TG: variants seen among roughly 807,000 people sequenced by gnomAD.
The protein encoded by TG is thyroglobulin.
TG carries 270 observed loss-of-function variants against 324.7 expected under a neutral mutation model. That is an observed-to-expected ratio of 0.83 (90% CI 0.75 to 0.92). TG has a LOEUF of 0.92. TG is among the 40% of genes least tolerant of loss of function. TG has a pLI of 0.00. For missense variants in TG, 3,591 were observed against 3,456.4 expected (o/e 1.04, Z -0.98); for synonymous variants, 1,401 against 1,327.0 (o/e 1.06, Z -1.21).
intron 45 of TG, among the ~76,000 whole-genome samples, chr8:133,121,257 G>A (rs1851119471): frequency 6.6e-6 from 1 of 152,180 alleles, no homozygotes; most frequent in South Asian, 2.1e-4. Context: ...TGAAGTGGGA[G>A]TAGGGAGGCC....
intron 24 of TG, 69 bp downstream of exon 24, chr8:132,933,745 G>T: frequency 7.0e-6 from 10 of 1,435,166 alleles, no homozygotes; most frequent in Non-Finnish European, 9.8e-6. Flanking sequence ...CTGAGGAGCG[G>T]GCAGCAGGCT....
rs1437649976 is a variant in TG, at chr8:132,900,274, G to A, written c.3368G>A (p.Gly1123Asp). The change falls in exon 15 of 48, where the codon GGC becomes GAC. Residue 1123 changes from glycine to aspartate, a missense_variant. Physicochemically the swap from Gly to Asp is moderately conservative, Grantham distance 94 (BLOSUM62 -1). Coordinates refer to ENST00000220616, the MANE Select transcript of TG (RefSeq NM_003235.5). ...GCCAGGCTGCAGGCATCGGGGGCTG[G>A]CACCTGGTGTGTGGACCCTGCATCA... is the stretch of plus-strand genomic sequence containing the variant. ...EYARLQASGA[G>D]TWCVDPASGE... The A allele has an allele frequency of 2.5e-6, 4 of 1,613,946 alleles. No homozygotes were observed.
intron 43 of TG, among the ~76,000 whole-genome samples, chr8:133,110,512 AC>A (rs1420758876): frequency 6.6e-6 from 1 of 152,238 alleles, no homozygotes; most frequent in Admixed American, 6.5e-5. Context: ...AGATAGATAC[AC>A]ATAGCATTTT....
At chr8:132,883,029 G>A (rs749307754) in intron 8 of TG, 30 bp downstream of exon 8, 22 of 1,607,756 alleles carry the variant, frequency 1.4e-5, no homozygotes, top group African/African-American at 8.0e-5. Context: ...TTCCTCTTTC[G>A]GCCTCGGATC....
At chr8:132,903,443 A>T (rs1295635886) in intron 16 of TG, among the ~76,000 whole-genome samples, 1 of 152,224 alleles carries the variant, frequency 6.6e-6, no homozygotes, top group East Asian at 1.9e-4. Flanking sequence ...AACAGCCAGC[A>T]TTGGCCTCTT....
chr8:133,045,028 C>T, intron 41 of TG: 2 of 1,614,192 alleles, frequency 1.2e-6, no homozygotes, highest in Non-Finnish European at 1.7e-6. Flanking sequence ...GAAGGTGAGC[C>T]TCGGGGAAAT....
chr8:133,019,553 G>C (rs1835368612), intron 38 of TG, 49 bp from the exon 39 acceptor site: 1 of 1,509,260 alleles, frequency 6.6e-7, no homozygotes, highest in South Asian at 1.1e-5. Flanking sequence ...TGGGTGGGGA[G>C]GGGTGGTGAT....
chr8:132,993,603 C>T (rs1024216401), intron 35 of TG, among the ~76,000 whole-genome samples: 2 of 152,188 alleles, frequency 1.3e-5, no homozygotes, highest in Non-Finnish European at 2.9e-5. Flanking sequence ...AATGTTACCC[C>T]TGCAGTTGTG....
chr8:133,068,583 T>C (rs891970814), intron 41 of TG, among the ~76,000 whole-genome samples: 2 of 152,202 alleles, frequency 1.3e-5, no homozygotes, highest in Non-Finnish European at 2.9e-5. Context: ...GGTGTTCTCA[T>C]GGAAGGATTG....
In TG at chr8:133,067,842, C is replaced by CAG. The variant is rs1209031571; in HGVS notation, c.7240-27190_7240-27189dup. Among the ~76,000 whole-genome samples the CAG allele has an allele frequency of 8.7e-4, 110 of 126,952 alleles. 1 individual carries two copies. Among genetic ancestry groups the CAG allele is most frequent in the Non-Finnish European group, 1.4e-3 (86 of 61,314 alleles). 83.3% of individuals were successfully genotyped at this position (126,952 alleles called of 152,430 possible). Reference sequence around the variant, plus strand: ...GAAGGAAGGGGGAGAGAGAGAGAGACAGAGAGAGAGAGAAAGAAAGAAAGA... The same window carrying CAG: ...GAAGGAAGGGGGAGAGAGAGAGAGACAGAGAGAGAGAGAGAAAGAAAGAAAGA... On this transcript the variant is annotated intron_variant, in intron 41 of 47. Transcript: ENST00000220616.
intron 43 of TG, among the ~76,000 whole-genome samples, chr8:133,101,996 G>T (rs2131693920): frequency 6.6e-6 from 1 of 152,374 alleles, no homozygotes; most frequent in Middle Eastern, 3.4e-3. Flanking sequence ...TATCTGTGAA[G>T]TTGGGAGATG....
At chr8:132,926,002 T>C (rs375210855) in intron 22 of TG, among the ~76,000 whole-genome samples, 1 of 152,230 alleles carries the variant, frequency 6.6e-6, no homozygotes, top group East Asian at 1.9e-4. Context: ...TTTGGCTTCT[T>C]ATGCAAAGCT....
chr8:133,124,102 C>T (rs974408139), intron 45 of TG, among the ~76,000 whole-genome samples: 1 of 152,242 alleles, frequency 6.6e-6, no homozygotes, highest in Non-Finnish European at 1.5e-5. Context: ...GCATGAGGAG[C>T]TGTAGCCACT....
chr8:133,123,209 C>A (rs1431988935), intron 45 of TG, among the ~76,000 whole-genome samples: 1 of 152,012 alleles, frequency 6.6e-6, no homozygotes, highest in Non-Finnish European at 1.5e-5. Flanking sequence ...AAGGAAGTAG[C>A]AACCCCTCTC....
intron 43 of TG, among the ~76,000 whole-genome samples, chr8:133,106,020 G>A (rs1188817716): frequency 6.6e-6 from 1 of 152,144 alleles, no homozygotes; most frequent in African/African-American, 2.4e-5. Flanking sequence ...GCACCTGGAT[G>A]AAGCAGATGG....
At chr8:133,012,916 C>A (rs912864317) in intron 36 of TG, among the ~76,000 whole-genome samples, 2 of 152,130 alleles carry the variant, frequency 1.3e-5, no homozygotes, top group Non-Finnish European at 2.9e-5. Flanking sequence ...TTGTCTAGTG[C>A]AGAACTTGAC....
intron 33 of TG, 74 bp from the exon 34 acceptor site, chr8:132,972,524 T>C: frequency 6.5e-7 from 1 of 1,549,670 alleles, no homozygotes; most frequent in African/African-American, 1.4e-5. Flanking sequence ...GCAGAATTTT[T>C]CTCATTTATT....
At chr8:133,107,286 TC>T (rs1849883429) in intron 43 of TG, among the ~76,000 whole-genome samples, 2 of 152,258 alleles carry the variant, frequency 1.3e-5, no homozygotes, top group South Asian at 4.1e-4. Flanking sequence ...CCCAAGACAT[TC>T]AGGTTGATGC....
intron 34 of TG, among the ~76,000 whole-genome samples, chr8:132,979,863 C>T (rs1478330396): frequency 6.6e-6 from 1 of 152,168 alleles, no homozygotes; most frequent in East Asian, 1.9e-4. Flanking sequence ...GGTTAAGTCT[C>T]AGTCCCAGAA....
Sources: allele counts gnomAD v4.1 joint callset (sites outside exome capture counted in the v4.1 genomes callset), GRCh38; gene constraint gnomAD v4.1.1; transcripts MANE v1.5; gene names NCBI Gene and HGNC (gene_info 2026-07-23, HGNC 2026-07-21).